UHRF2: variants seen among roughly 807,000 people sequenced by gnomAD.
UHRF2 encodes the protein E3 ubiquitin-protein ligase UHRF2.
A neutral mutation model predicts 96.8 loss-of-function variants in UHRF2; 23 were observed. That is an observed-to-expected ratio of 0.24 (90% confidence interval 0.17 to 0.34). The LOEUF (loss-of-function observed/expected upper bound fraction) is 0.34. Ranked by LOEUF, UHRF2 falls within the 10% of genes least tolerant of loss-of-function variation. The pLI is 1.00. For missense variants in UHRF2, 685 were observed against 981.5 expected (o/e 0.70, Z 4.04); for synonymous variants, 385 against 332.6 (o/e 1.16, Z -1.72).
At chr9:6,480,499 A>G (rs1336111088) in intron 6 of UHRF2, among the ~76,000 whole-genome samples, 1 of 152,236 alleles carries the variant, frequency 6.6e-6, no homozygotes, top group Non-Finnish European at 1.5e-5. Flanking sequence ...ACTCTGGAAT[A>G]TATCTCTACA....
intron 14 of UHRF2, among the ~76,000 whole-genome samples, 196 bp downstream of exon 14, chr9:6,500,905 A>G (rs147156650): frequency 2.0e-5 from 3 of 152,306 alleles, no homozygotes; most frequent in African/African-American, 4.8e-5. Context: ...AACCTCTTAG[A>G]TGCTGGATTT....
intron 3 of UHRF2, among the ~76,000 whole-genome samples, chr9:6,454,772 C>G (rs534205089): frequency 6.6e-6 from 1 of 152,230 alleles, no homozygotes; most frequent in Admixed American, 6.5e-5. Context: ...TAGTTTCTAC[C>G]TTTTTAATGC....
chr9:6,474,114 G>A (rs945688704), intron 4 of UHRF2, among the ~76,000 whole-genome samples: 3 of 152,136 alleles, frequency 2.0e-5, no homozygotes, highest in Admixed American at 1.3e-4. Context: ...CATTGTGAGG[G>A]GACAAGGTGA....
intron 3 of UHRF2, among the ~76,000 whole-genome samples, chr9:6,440,156 ATTG>A (rs1821081606): frequency 1.3e-5 from 2 of 152,154 alleles, no homozygotes; most frequent in Non-Finnish European, 2.9e-5. Flanking sequence ...CCCTGAAGCT[ATTG>A]TTGAAGAGTC....
intron 3 of UHRF2, among the ~76,000 whole-genome samples, chr9:6,441,735 G>GT (rs367898591): frequency 0.025 from 3,636 of 147,096 alleles, 146 homozygotes; most frequent in African/African-American, 0.085. Context: ...TTTGTGGCCG[G>GT]TTTTTTTTTT....
intron 1 of UHRF2, among the ~76,000 whole-genome samples, chr9:6,414,774 C>T (rs1563735099): frequency 6.6e-6 from 1 of 152,192 alleles, no homozygotes; most frequent in East Asian, 1.9e-4. Flanking sequence ...CCAGAAATTT[C>T]ATAGTAACAA....
Position 6,497,384 on chromosome 9 carries a change from T to G in UHRF2, c.1767+24T>G. ...AGGTGCTCTATCTGGCATGACATCT[T>G]GTTTGTCATTCTTCCTGGGCTTTCA... On this transcript the variant is annotated intron_variant, in intron 11 of 15. Transcript: ENST00000276893. 3.7e-6 allele frequency: 6 copies of G among 1,608,396 alleles called. No individual in the cohort carries two copies. In the South Asian group the frequency reaches 5.5e-5, roughly 15 times the overall value.
chr9:6,470,650 G>GT (rs1823189727), intron 4 of UHRF2, among the ~76,000 whole-genome samples: 1 of 152,010 alleles, frequency 6.6e-6, no homozygotes, highest in Admixed American at 6.6e-5. Context: ...AAAAAAATGC[G>GT]TGACAACAAT....
chr9:6,420,184 G>C (rs1423480661), intron 1 of UHRF2, among the ~76,000 whole-genome samples: 1 of 151,724 alleles, frequency 6.6e-6, no homozygotes, highest in Non-Finnish European at 1.5e-5. Context: ...TGCCTCCTGA[G>C]TAGTGGGATT....
At chr9:6,422,354 A>G (rs1012162905) in intron 2 of UHRF2, among the ~76,000 whole-genome samples, 1 of 151,084 alleles carries the variant, frequency 6.6e-6, no homozygotes, top group Non-Finnish European at 1.5e-5. Context: ...TGCTGGGATT[A>G]CAGTTCTGAG....
chr9:6,464,865 G>A (rs1464803724), intron 4 of UHRF2, among the ~76,000 whole-genome samples: 1 of 151,954 alleles, frequency 6.6e-6, no homozygotes, highest in Non-Finnish European at 1.5e-5. Context: ...TTAGCTCTGT[G>A]TACTTCCATT....
chr9:6,493,649 T>G (rs1347450194), intron 9 of UHRF2, among the ~76,000 whole-genome samples, 177 bp from the exon 10 acceptor site: 1 of 152,224 alleles, frequency 6.6e-6, no homozygotes, highest in Non-Finnish European at 1.5e-5. Flanking sequence ...TCAAGTTATA[T>G]GACTTGAAAG....
chr9:6,493,581 A>G (rs938755200), intron 9 of UHRF2, among the ~76,000 whole-genome samples: 57 of 152,346 alleles, frequency 3.7e-4, no homozygotes, highest in African/African-American at 1.3e-3. Context: ...CATATATAGC[A>G]TGAGACTAAC....
At chr9:6,466,292 C>G (rs550439900) in intron 4 of UHRF2, among the ~76,000 whole-genome samples, 1 of 152,032 alleles carries the variant, frequency 6.6e-6, no homozygotes, top group Admixed American at 6.6e-5. Context: ...AATCCCAGCA[C>G]TTTGGGAGGC....
At chr9:6,485,057 T>C (rs1269924910) in intron 8 of UHRF2, among the ~76,000 whole-genome samples, 1 of 152,122 alleles carries the variant, frequency 6.6e-6, no homozygotes, top group Non-Finnish European at 1.5e-5. Context: ...CCTCCCAAAG[T>C]GCTGGGATTA....
At chr9:6,436,617 T>G (rs778439262) in intron 3 of UHRF2, among the ~76,000 whole-genome samples, 6 of 152,218 alleles carry the variant, frequency 3.9e-5, no homozygotes, top group African/African-American at 1.2e-4. Flanking sequence ...AATAAGGAAC[T>G]TTAAATAGTG....
chr9:6,420,895 C>G lies in UHRF2; in HGVS notation c.154-17C>G, dbSNP rs2130721109. The stretch of plus-strand genomic sequence containing the variant: ...CATTTTAGAGAAGCATTTCACTATT[C>G]TTTCTTTATTTTCTAGTTGGAAAAT... On this transcript the variant is annotated splice_polypyrimidine_tract_variant and intron_variant, in intron 1 of 15. Coordinates refer to ENST00000276893, the MANE Select transcript of UHRF2 (RefSeq NM_152896.3). 1 of 1,588,598 alleles carries G rather than the reference C, an allele frequency of 6.3e-7. No individual in the cohort carries two copies. The highest frequency in any genetic ancestry group is 8.6e-7 in the Non-Finnish European group (1 of 1,157,012).
chr9:6,435,263 G>C (rs1179841792), intron 3 of UHRF2, among the ~76,000 whole-genome samples: 2 of 152,086 alleles, frequency 1.3e-5, no homozygotes, highest in Non-Finnish European at 2.9e-5. Context: ...CAAAGTGCTG[G>C]GATTACAGGC....
intron 1 of UHRF2, among the ~76,000 whole-genome samples, chr9:6,417,205 T>A (rs563271933): frequency 5.9e-5 from 9 of 152,322 alleles, no homozygotes; most frequent in African/African-American, 2.2e-4. Context: ...TTCCCTTGCA[T>A]CATTGTTGCA....
Sources: allele counts gnomAD v4.1 joint callset (sites outside exome capture counted in the v4.1 genomes callset), GRCh38; gene constraint gnomAD v4.1.1; transcripts MANE v1.5; gene names NCBI Gene and HGNC (gene_info 2026-07-23, HGNC 2026-07-21).